Variants in CES1 observed in about 807,000 individuals in gnomAD.
CES1 encodes liver carboxylesterase 1.
CES1 carries 50 observed loss-of-function variants against 53.0 expected under a neutral mutation model. The observed-to-expected ratio is 0.94, with a 90% confidence interval of 0.75 to 1.19. The LOEUF (loss-of-function observed/expected upper bound fraction) is 1.19. Ranked by LOEUF, CES1 falls within the 50% of genes most tolerant of loss-of-function variation. The probability of loss-of-function intolerance (pLI) is 0.00; values close to 1 mark genes in which losing one functional copy is unlikely to be tolerated. For synonymous variants in CES1, 202 were observed against 210.1 expected, an observed-to-expected ratio of 0.96 and a Z score of 0.33; for missense variants, 534 against 538.0, an observed-to-expected ratio of 0.99 and a Z score of 0.07.
intron 7 of CES1, among the ~76,000 whole-genome samples, chr16:55,817,402 G>C (rs532275376): frequency 1.3e-5 from 2 of 152,160 alleles, no homozygotes; most frequent in African/African-American, 4.8e-5. Flanking sequence ...CAGTTTACAC[G>C]ACGATGCTAT....
At chr16:55,816,787 A>ACC in intron 8 of CES1, 137 bp downstream of exon 8, 1 of 1,086,012 alleles carries the variant, frequency 9.2e-7, no homozygotes, top group East Asian at 2.3e-5. Flanking sequence ...GTGAGTCACT[A>ACC]CCCCTCTCTG....
chr16:55,812,642 G>C (rs1414616050), intron 9 of CES1, among the ~76,000 whole-genome samples: 1 of 152,032 alleles, frequency 6.6e-6, no homozygotes, highest in African/African-American at 2.4e-5. Flanking sequence ...TTCTCTACTG[G>C]CCCTCCCAGC....
At chr16:55,830,256 T>C (rs1202462750) in intron 1 of CES1, among the ~76,000 whole-genome samples, 1 of 152,210 alleles carries the variant, frequency 6.6e-6, no homozygotes, top group East Asian at 1.9e-4. Context: ...TGTCAATATT[T>C]AGCTTCTTTT....
At chr16:55,813,159 G>T in intron 8 of CES1, 116 bp from the exon 9 acceptor site, 1 of 1,376,336 alleles carries the variant, frequency 7.3e-7, no homozygotes, top group Non-Finnish European at 1.0e-6. Context: ...ATGCGCCATG[G>T]CTGCACATGC....
intron 11 of CES1, among the ~76,000 whole-genome samples, chr16:55,810,107 G>C (rs2031621232): frequency 6.6e-6 from 1 of 152,144 alleles, no homozygotes; most frequent in African/African-American, 2.4e-5. Flanking sequence ...ACAAGTAGAA[G>C]CTGGTGAATA....
At chr16:55,830,815 AAGGAAGGCAGGC>A (rs2032627162) in intron 1 of CES1, among the ~76,000 whole-genome samples, 1 of 123,664 alleles carries the variant, frequency 8.1e-6, no homozygotes, top group South Asian at 2.7e-4. Context: ...GGAAGGAAGG[AAGGAAGGCAGGC>A]AGGCAGGCAG....
chr16:55,810,774 C>A (rs2031654449), intron 10 of CES1, 110 bp from the exon 11 acceptor site: 2 of 1,470,246 alleles, frequency 1.4e-6, no homozygotes, highest in East Asian at 2.2e-5. Context: ...GTGCAACTCC[C>A]CGCTAGGGTG....
At chr16:55,814,469 G>T (rs1280733338) in intron 8 of CES1, among the ~76,000 whole-genome samples, 5 of 152,244 alleles carry the variant, frequency 3.3e-5, no homozygotes, top group Admixed American at 1.3e-4. Flanking sequence ...CTACTTACTG[G>T]CTGGGAGTTT....
In CES1 at chr16:55,819,587, T is replaced by C. The variant is rs763566317; in HGVS notation, c.854A>G (p.His285Arg). The C allele has an allele frequency of 2.5e-6, 4 of 1,614,052 alleles. No individual in the cohort carries two copies. The East Asian group carries it at 6.7e-5, about 27-fold the overall frequency. ...CKTTTSAVMV[H>R]CLRQKTEEEL... ...CTCTTCCGTCTTCTGTCGCAGGCAG[T>C]GAACCATGACAGCAGAGGTGGTGGT... The change falls in exon 7 of 14, where the codon CAC (histidine) becomes CGC (arginine). Residue 285 changes from histidine (H) to arginine (R), a missense_variant. Physicochemically the swap from His to Arg is conservative, Grantham distance 29. Transcript: ENST00000360526.
chr16:55,824,646 A>G (rs2032347127), intron 3 of CES1, among the ~76,000 whole-genome samples: 1 of 152,270 alleles, frequency 6.6e-6, no homozygotes, highest in Non-Finnish European at 1.5e-5. Flanking sequence ...TGAGCTGCCC[A>G]GCACACTGCA....
chr16:55,830,753 GGAAAGAAGGAAGGAAGGAAA>G (rs1267789959), intron 1 of CES1, among the ~76,000 whole-genome samples: 32 of 146,718 alleles, frequency 2.2e-4, no homozygotes, highest in African/African-American at 7.4e-4. Flanking sequence ...AAGGAAGGAA[GGAAAGAAGGAAGGAAGGAAA>G]GAAGGAAGGA....
At position 55,828,840 on chromosome 16, in the gene CES1, G is replaced by A; in HGVS notation, c.187C>T (p.Pro63Ser). 1 of 1,614,304 alleles carries A rather than the reference G, an allele frequency of 6.2e-7. No individual in the cohort carries two copies. Among genetic ancestry groups the A allele is most frequent in the Non-Finnish European group, 8.5e-7 (1 of 1,180,058 alleles). Residue 63 changes from proline to serine, a missense_variant, in exon 2 of 14, where the codon CCC (proline) becomes TCC (serine). Around this residue, in one of 5 missense-constraint regions of CES1, gnomAD observed 164 missense variants for 162.4 expected, o/e 1.01. Coordinates refer to ENST00000360526, the MANE Select transcript of CES1 (RefSeq NM_001025195.2). The stretch of plus-strand genomic sequence containing the variant: ...GGCTGCGGTGGAGTAAACCTCAGGG[G>A]TCCAAGAGGCGGCTTGGCAAAAGGG... ...GIPFAKPPLG[P>S]LRFTPPQPAE...
chr16:55,819,060 G>A (rs1306175719), intron 7 of CES1, among the ~76,000 whole-genome samples: 4 of 152,226 alleles, frequency 2.6e-5, no homozygotes, highest in African/African-American at 9.7e-5. Context: ...TTAACGAATG[G>A]GTGGATGGAT....
At chr16:55,825,047 G>C (rs114185121) in intron 3 of CES1, among the ~76,000 whole-genome samples, 624 of 152,312 alleles carry the variant, frequency 4.1e-3, no homozygotes, top group African/African-American at 0.014. Context: ...GCTGAAGGGA[G>C]GATATGTCTC....
rs1235733333 is a variant in CES1 at position 55,813,044 on chromosome 16, C to G, written c.946-1G>C. On this transcript the variant is annotated splice_acceptor_variant, in intron 8 of 13. Transcript: ENST00000360526. LOFTEE classifies it high-confidence loss of function. ...TCACAGTGCCCAGAAGGGGTTGACT[C>G]TGGGGAGAGAGCAGTGCAGCACCTG... The G allele has an allele frequency of 6.2e-7, 1 of 1,613,962 alleles. No homozygotes were observed. The highest frequency in any genetic ancestry group is 8.5e-7 in the Non-Finnish European group (1 of 1,179,872).
At chr16:55,812,840 G>C (rs2031758846) in intron 9 of CES1, 63 bp downstream of exon 9, 4 of 1,607,760 alleles carry the variant, frequency 2.5e-6, no homozygotes, top group Non-Finnish European at 3.4e-6. Flanking sequence ...GCATTCCTGG[G>C]ACCAGAGACA....
intron 8 of CES1, among the ~76,000 whole-genome samples, chr16:55,815,646 GA>G (rs1409924272): frequency 6.6e-6 from 1 of 152,086 alleles, no homozygotes; most frequent in African/African-American, 2.4e-5. Context: ...TTCCTTCAAA[GA>G]TATCCAGACT....
Position 55,821,349 on chromosome 16 carries a change from T to C in CES1, c.693+19A>G, listed in dbSNP as rs2032182108. ...ATCACATCAAGCGTGGGGTTGGGCCTGGTGACAGGAAAACTCACAAGAACA... is the reference window on the plus strand; with the variant it reads ...ATCACATCAAGCGTGGGGTTGGGCCCGGTGACAGGAAAACTCACAAGAACA... On this transcript the variant is annotated intron_variant, in intron 5 of 13. Transcript: ENST00000360526. 6.2e-7 allele frequency: 1 copy of C among 1,614,182 alleles called. No individual in the cohort carries two copies. The highest frequency in any genetic ancestry group is 8.5e-7 in the Non-Finnish European group (1 of 1,180,006).
At chr16:55,824,302 G>A (rs1241554396) in intron 3 of CES1, among the ~76,000 whole-genome samples, 5 of 152,296 alleles carry the variant, frequency 3.3e-5, no homozygotes, top group Admixed American at 1.3e-4. Context: ...ATGTGCCAGG[G>A]ACTCTGCTAA....
Sources: gnomAD v4.1 joint callset for allele counts (sites outside exome capture counted in the v4.1 genomes callset) on GRCh38, gnomAD v4.1.1 for gene constraint, gnomAD v4.1.1 regional missense constraint, MANE v1.5 for transcripts, NCBI Gene and HGNC (gene_info 2026-07-23, HGNC 2026-07-21) for gene names.